Variants in MTMR3 observed in about 807,000 individuals in gnomAD.
MTMR3 encodes myotubularin related protein 3.
A neutral mutation model predicts 132.4 loss-of-function variants in MTMR3; 32 were observed. The observed-to-expected ratio is 0.24, with a 90% confidence interval of 0.18 to 0.32. The LOEUF is 0.32. Ranked by LOEUF, MTMR3 falls within the 10% of genes least tolerant of loss-of-function variation. The pLI is 1.00. For synonymous variants in MTMR3, 556 were observed against 550.3 expected (o/e 1.01, Z -0.14); for missense variants, 1,216 against 1,489.6 (o/e 0.82, Z 3.02).
intron 2 of MTMR3, among the ~76,000 whole-genome samples, chr22:29,963,203 TC>T (rs2066348173): frequency 6.6e-6 from 1 of 152,178 alleles, no homozygotes; most frequent in Admixed American, 6.5e-5. Context: ...TCCCTGGACT[TC>T]CCAAAGTGCT....
In MTMR3 at chr22:29,960,671, G is replaced by C. The variant is rs2066293467; in HGVS notation, c.-85+3583G>C. The stretch of plus-strand genomic sequence containing the variant: ...TATATCTTAATTCTCACAATTCTTT[G>C]ATGCAATGATTGTTCTCCTTGTTTT... On this transcript the variant is annotated intron_variant, in intron 2 of 19. Coordinates refer to ENST00000401950, the MANE Select transcript of MTMR3 (RefSeq NM_021090.4). 3.3e-5 allele frequency among the ~76,000 whole-genome samples: 5 copies of C among 152,112 alleles called. No individual in the cohort carries two copies. In the South Asian group the frequency reaches 1.0e-3, roughly 31 times the overall value.
chr22:29,987,269 T>G (rs114902227), intron 5 of MTMR3: 1 of 152,358 alleles, frequency 6.6e-6, no homozygotes, highest in African/African-American at 2.4e-5. Flanking sequence ...ATTCTGAGAG[T>G]TCTGTGCTGA....
intron 1 of MTMR3, among the ~76,000 whole-genome samples, chr22:29,888,977 T>G (rs2064737230): frequency 6.6e-6 from 1 of 151,982 alleles, no homozygotes; most frequent in South Asian, 2.1e-4. Flanking sequence ...ATTCATAGAT[T>G]TATAATCTGG....
intron 1 of MTMR3, among the ~76,000 whole-genome samples, chr22:29,892,099 G>A (rs2064811126): frequency 6.6e-6 from 1 of 151,734 alleles, no homozygotes; most frequent in African/African-American, 2.4e-5. Flanking sequence ...GTTGCAGTGA[G>A]CTGAGATTGT....
intron 6 of MTMR3, 40 bp from the exon 7 acceptor site, chr22:29,991,464 G>T (rs367787053): frequency 6.5e-7 from 1 of 1,541,456 alleles, no homozygotes; most frequent in Non-Finnish European, 8.7e-7. Context: ...CATTTCAACT[G>T]TCTTCTGATT....
At chr22:30,023,698 C>T in intron 19 of MTMR3, 1 of 579,452 alleles carries the variant, frequency 1.7e-6, no homozygotes, top group Non-Finnish European at 3.1e-6. Flanking sequence ...CTCCTGATCA[C>T]AGAGGTCAGC....
chr22:29,885,137 T>C (rs2064646427), intron 1 of MTMR3, among the ~76,000 whole-genome samples: 3 of 152,308 alleles, frequency 2.0e-5, no homozygotes, highest in African/African-American at 7.2e-5. Context: ...AGAAATATTA[T>C]GGACTACCTA....
chr22:29,951,601 GC>G (rs1040012359), intron 1 of MTMR3, among the ~76,000 whole-genome samples: 85 of 152,244 alleles, frequency 5.6e-4, no homozygotes, highest in African/African-American at 1.9e-3. Context: ...ATCTGGAAAC[GC>G]CACTAAATGA....
chr22:29,923,452 C>T (rs574883825), intron 1 of MTMR3, among the ~76,000 whole-genome samples: 2 of 152,066 alleles, frequency 1.3e-5, no homozygotes, highest in African/African-American at 4.8e-5. Context: ...TGATCTGCCA[C>T]CTTGGCCTCC....
intron 5 of MTMR3, chr22:29,987,624 C>T (rs2066883816): frequency 6.6e-6 from 1 of 152,128 alleles, no homozygotes; most frequent in South Asian, 2.1e-4. Context: ...GAGGAGGATC[C>T]TCATATTATC....
rs572595939 is a variant in MTMR3, at chr22:30,016,150, T to C, written c.1504-378T>C. 19 of 206,330 alleles carry C rather than the reference T, an allele frequency of 9.2e-5. No homozygotes were observed. In the Admixed American group the frequency reaches 9.5e-4, roughly 10 times the overall value. The allele number at this position is 206,330 out of a possible 1,614,324, so 12.8% of individuals were successfully genotyped here. On this transcript the variant is annotated intron_variant, in intron 14 of 19. Transcript: ENST00000401950. ...GTCATGTTTGGGCCATGTGAAATGC[T>C]CAATAATTTGTAGAATGAACAAGTA...
rs187036748 is a variant in MTMR3, at chr22:29,965,218, A to G, written c.-84-5758A>G. ...GTATTAATGCAGAGCTAACAGTGTC[A>G]TACTGTCTAACACATACTAGATTAT... On this transcript the variant is annotated intron_variant, in intron 2 of 19. Transcript: ENST00000401950. 1.3e-3 allele frequency among the ~76,000 whole-genome samples: 194 copies of G among 152,012 alleles called. 1 individual carries two copies. Among genetic ancestry groups the G allele is most frequent in the African/African-American group, 4.6e-3 (190 of 41,450 alleles).
intron 2 of MTMR3, among the ~76,000 whole-genome samples, chr22:29,959,737 A>C (rs1299509312): frequency 6.6e-6 from 1 of 151,494 alleles, no homozygotes; most frequent in East Asian, 2.0e-4. Flanking sequence ...TGCCATAATA[A>C]TGTAAATTTG....
chr22:29,981,826 A>AG (rs911644539), intron 5 of MTMR3: 2 of 144,688 alleles, frequency 1.4e-5, no homozygotes, highest in African/African-American at 5.4e-5. Flanking sequence ...GTCAAAAAAA[A>AG]AAAGGAAAAA....
Position 30,020,279 on chromosome 22 carries a change from G to A in MTMR3, c.2620G>A (p.Asp874Asn), listed in dbSNP as rs1474624902. 6.2e-7 allele frequency: 1 copy of A among 1,614,082 alleles called. No homozygotes were observed. The highest frequency in any genetic ancestry group is 8.5e-7 in the Non-Finnish European group (1 of 1,180,052). ...ATCTTGCCTTGTAAATAGTGGCAAG[G>A]ACAGGCTTCCTCAGACCATGGAACC... ...HRSCLVNSGK[D>N]RLPQTMEPSP... Residue 874 changes from aspartate (D) to asparagine (N), a missense_variant, in exon 17 of 20, where the codon GAC becomes AAC. Transcript: ENST00000401950.
rs73398701 is a variant in MTMR3 at position 30,019,434 on chromosome 22, A to G, written c.1821-46A>G. ...AAACCTATTGTCTCCTACTTCCTCC[A>G]AACAGTTTCCAAGATTTTCATTTCC... On this transcript the variant is annotated intron_variant, in intron 16 of 19. Coordinates refer to ENST00000401950, the MANE Select transcript of MTMR3 (RefSeq NM_021090.4). The G allele has an allele frequency of 3.0e-3, 4,684 of 1,542,246 alleles. 117 individuals are homozygous for G. The African/African-American group carries it at 0.058, about 19-fold the overall frequency.
intron 6 of MTMR3, 165 bp downstream of exon 6, chr22:29,988,727 C>T: frequency 7.5e-6 from 3 of 401,812 alleles, no homozygotes; most frequent in Non-Finnish European, 8.7e-6. Flanking sequence ...AGGATGTATA[C>T]TTTGCTATGT....
rs945387020 is a variant in MTMR3, at chr22:29,965,297, T to G, written c.-84-5679T>G. Among the ~76,000 whole-genome samples the G allele has an allele frequency of 3.3e-5, 5 of 152,022 alleles. No individual in the cohort carries two copies. In the South Asian group the frequency reaches 8.3e-4, roughly 25 times the overall value. ...AAAGAACATCATTTTACAGAATCTA[T>G]TTGGTATAGAAATGGAAGGCCTTAT... On this transcript the variant is annotated intron_variant, in intron 2 of 19. Coordinates refer to ENST00000401950, the MANE Select transcript of MTMR3 (RefSeq NM_021090.4).
chr22:29,933,721 G>A (rs915311149), intron 1 of MTMR3, among the ~76,000 whole-genome samples: 3 of 149,958 alleles, frequency 2.0e-5, no homozygotes, highest in Admixed American at 1.3e-4. Context: ...AAACCCAACA[G>A]AGCAGTTCTG....
Sources: gnomAD v4.1 joint callset for allele counts (sites outside exome capture counted in the v4.1 genomes callset) on GRCh38, gnomAD v4.1.1 for gene constraint, MANE v1.5 for transcripts, NCBI Gene and HGNC (gene_info 2026-07-23, HGNC 2026-07-21) for gene names.